Variants in EPB41L2 observed in about 807,000 individuals in gnomAD.
The protein encoded by EPB41L2 is erythrocyte membrane protein band 4.1 like 2, also known as band 4.1-like protein 2.
A neutral mutation model predicts 113.0 loss-of-function variants in EPB41L2; 43 were observed. The observed-to-expected ratio is 0.38, with a 90% CI of 0.30 to 0.49. The LOEUF is 0.49. Ranked by LOEUF, EPB41L2 falls within the 20% of genes least tolerant of loss-of-function variation. The pLI, the probability that EPB41L2 is intolerant of heterozygous loss-of-function variation, is 0.95. For missense variants in EPB41L2, 1,147 were observed against 1,223.4 expected (o/e 0.94, Z 0.93); for synonymous variants, 442 against 436.7 (o/e 1.01, Z -0.15).
intron 4 of EPB41L2, among the ~76,000 whole-genome samples, chr6:130,924,370 T>C (rs1803907848): frequency 6.9e-6 from 1 of 145,898 alleles, no homozygotes; most frequent in South Asian, 2.3e-4. Context: ...GTGGGACTGC[T>C]AGATCATGGA....
At chr6:130,924,093 G>A (rs1282895468) in intron 4 of EPB41L2, among the ~76,000 whole-genome samples, 1 of 152,086 alleles carries the variant, frequency 6.6e-6, no homozygotes, top group Non-Finnish European at 1.5e-5. Flanking sequence ...TTTAGTGACT[G>A]CTTTAACTCA....
chr6:131,024,533 C>T (rs937512556), intron 1 of EPB41L2, among the ~76,000 whole-genome samples: 2 of 152,184 alleles, frequency 1.3e-5, no homozygotes, highest in Non-Finnish European at 2.9e-5. Context: ...ATATCAACCA[C>T]AAGAGCTATT....
At chr6:130,860,347 A>G (rs1444610282) in intron 18 of EPB41L2, among the ~76,000 whole-genome samples, 1 of 152,258 alleles carries the variant, frequency 6.6e-6, no homozygotes, top group Non-Finnish European at 1.5e-5. Flanking sequence ...TCTAATTCAC[A>G]GAAAGATTGG....
At chr6:130,962,848 T>C (rs371739705) in intron 1 of EPB41L2, among the ~76,000 whole-genome samples, 4 of 152,090 alleles carry the variant, frequency 2.6e-5, no homozygotes, top group African/African-American at 9.7e-5. Context: ...GTAGCTTCTA[T>C]TGGTCTAGGG....
chr6:130,976,383 G>A (rs944136845), intron 1 of EPB41L2, among the ~76,000 whole-genome samples: 8 of 152,190 alleles, frequency 5.3e-5, no homozygotes, highest in South Asian at 2.1e-4. Flanking sequence ...CTGCACATGC[G>A]TCACCTGCAA....
chr6:130,931,932 C>G (rs1041028664), intron 3 of EPB41L2, among the ~76,000 whole-genome samples: 2 of 152,118 alleles, frequency 1.3e-5, no homozygotes, highest in African/African-American at 4.8e-5. Context: ...CAGTAAGTTA[C>G]GTAACTTCTC....
intron 19 of EPB41L2, among the ~76,000 whole-genome samples, chr6:130,855,729 G>A (rs762886380): frequency 6.6e-6 from 1 of 152,150 alleles, no homozygotes; most frequent in Non-Finnish European, 1.5e-5. Context: ...TTAAAAAGAT[G>A]TAATTCTCCC....
chr6:130,903,480 G>T (rs1432147695), intron 6 of EPB41L2, among the ~76,000 whole-genome samples: 1 of 151,234 alleles, frequency 6.6e-6, no homozygotes, highest in Admixed American at 6.6e-5. Context: ...TGGATATTAT[G>T]AACTCTTAAC....
At chr6:131,050,978 G>C (rs1017157490) in intron 1 of EPB41L2, among the ~76,000 whole-genome samples, 1 of 152,136 alleles carries the variant, frequency 6.6e-6, no homozygotes, top group East Asian at 1.9e-4. Context: ...CTAAACTAAT[G>C]CTGTCACCTC....
chr6:130,940,318 T>C (rs1472489206), intron 3 of EPB41L2, among the ~76,000 whole-genome samples: 1 of 152,196 alleles, frequency 6.6e-6, no homozygotes, highest in Non-Finnish European at 1.5e-5. Flanking sequence ...ATTTTTTTTA[T>C]GTCATCCTTG....
chr6:130,931,302 AT>A (rs1008891259), intron 3 of EPB41L2, among the ~76,000 whole-genome samples: 11 of 152,140 alleles, frequency 7.2e-5, no homozygotes, highest in African/African-American at 2.7e-4. Flanking sequence ...AACACGCATT[AT>A]TTTTTTAAAT....
At chr6:131,017,560 T>C (rs1411899401) in intron 1 of EPB41L2, among the ~76,000 whole-genome samples, 1 of 152,254 alleles carries the variant, frequency 6.6e-6, no homozygotes, top group Non-Finnish European at 1.5e-5. Flanking sequence ...TCCTATACAG[T>C]ACTTCATTAT....
At chr6:130,932,031 G>C (rs1730409336) in intron 3 of EPB41L2, among the ~76,000 whole-genome samples, 1 of 152,122 alleles carries the variant, frequency 6.6e-6, no homozygotes, top group African/African-American at 2.4e-5. Context: ...TCAATAAAAT[G>C]TTTGGCTTAT....
chr6:130,934,454 G>A (rs1203998073), intron 3 of EPB41L2, among the ~76,000 whole-genome samples: 3 of 152,024 alleles, frequency 2.0e-5, no homozygotes, highest in Non-Finnish European at 4.4e-5. Context: ...CATAAATATA[G>A]AAGACATATA....
At chr6:130,880,095 G>A (rs757128540) in intron 13 of EPB41L2, 49 bp downstream of exon 13, 4 of 1,421,830 alleles carry the variant, frequency 2.8e-6, no homozygotes, top group Non-Finnish European at 3.0e-6. Flanking sequence ...CCCGTCCACA[G>A]CAGCCGGGCA....
intron 3 of EPB41L2, among the ~76,000 whole-genome samples, chr6:130,931,539 C>T (rs1218554559): frequency 1.2e-4 from 19 of 152,092 alleles, no homozygotes; most frequent in Admixed American, 1.2e-3. Flanking sequence ...ATATTAAATG[C>T]TACATATGAA....
intron 19 of EPB41L2, among the ~76,000 whole-genome samples, chr6:130,852,619 C>T (rs1031167598): frequency 6.6e-6 from 1 of 152,192 alleles, no homozygotes; most frequent in Non-Finnish European, 1.5e-5. Flanking sequence ...TCCCAATGCA[C>T]TAACTTCCAC....
intron 1 of EPB41L2, among the ~76,000 whole-genome samples, chr6:131,043,499 T>C (rs373357619): frequency 6.6e-6 from 1 of 151,898 alleles, no homozygotes; most frequent in Non-Finnish European, 1.5e-5. Flanking sequence ...TTAAACTACA[T>C]AGGGATGGAA....
intron 1 of EPB41L2, among the ~76,000 whole-genome samples, chr6:131,027,388 A>C (rs186196950): frequency 4.7e-4 from 64 of 135,980 alleles, no homozygotes; most frequent in African/African-American, 1.7e-3. Flanking sequence ...TAATACAATA[A>C]AAGCTGACAA....
Sources: gnomAD v4.1 joint callset for allele counts (sites outside exome capture counted in the v4.1 genomes callset) on GRCh38, gnomAD v4.1.1 for gene constraint, MANE v1.5 for transcripts, NCBI Gene and HGNC (gene_info 2026-07-23, HGNC 2026-07-21) for gene names.